The following PACSIN2 variants were observed in gnomAD, a reference collection of about 807,000 sequenced individuals.
The protein encoded by PACSIN2 is protein kinase C and casein kinase substrate in neurons 2.
In PACSIN2, 25 loss-of-function variants were observed where a neutral mutation model predicts 63.8. The observed-to-expected ratio is 0.39, with a 90% CI of 0.29 to 0.55. The LOEUF is 0.55. PACSIN2 is among the 20% of genes least tolerant of loss of function. PACSIN2 has a pLI of 0.62. For synonymous variants in PACSIN2, 255 were observed against 256.2 expected, an observed-to-expected ratio of 1.00 and a Z score of 0.05; for missense variants, 518 against 646.9, an observed-to-expected ratio of 0.80 and a Z score of 2.16.
At chr22:42,878,900 C>G (rs1928851097) in intron 8 of PACSIN2, 148 bp downstream of exon 8, 2 of 872,034 alleles carry the variant, frequency 2.3e-6, no homozygotes, top group Non-Finnish European at 3.3e-6. Flanking sequence ...AGGAACCTCC[C>G]AGGTGTCCAG....
At chr22:42,973,044 G>C (rs1921440213) in intron 1 of PACSIN2, among the ~76,000 whole-genome samples, 1 of 152,190 alleles carries the variant, frequency 6.6e-6, no homozygotes, top group Non-Finnish European at 1.5e-5. Context: ...CAATACGGAA[G>C]TAAGAACTTT....
intron 1 of PACSIN2, among the ~76,000 whole-genome samples, chr22:42,960,618 C>A (rs1934097100): frequency 6.6e-6 from 1 of 152,156 alleles, no homozygotes; most frequent in Non-Finnish European, 1.5e-5. Context: ...CTTGTGCCTA[C>A]AAGAATACAT....
At chr22:42,945,090 T>C (rs1374402966) in intron 1 of PACSIN2, among the ~76,000 whole-genome samples, 2 of 110,592 alleles carry the variant, frequency 1.8e-5, no homozygotes, top group East Asian at 6.2e-4. Context: ...AGGGCAAGAC[T>C]CGTCTCAAAA....
chr22:43,004,438 G>C (rs893520635), intron 1 of PACSIN2, among the ~76,000 whole-genome samples: 1 of 152,246 alleles, frequency 6.6e-6, no homozygotes, highest in South Asian at 2.1e-4. Context: ...AGCAAAGGTC[G>C]CAATTGCTTA....
At chr22:42,941,703 C>T (rs1285961552) in intron 1 of PACSIN2, among the ~76,000 whole-genome samples, 2 of 152,134 alleles carry the variant, frequency 1.3e-5, no homozygotes, top group Admixed American at 6.5e-5. Flanking sequence ...GAAGAAACGT[C>T]GGTTTAGATC....
At chr22:42,911,659 A>T (rs1342201178) in intron 2 of PACSIN2, among the ~76,000 whole-genome samples, 1 of 152,216 alleles carries the variant, frequency 6.6e-6, no homozygotes, top group Non-Finnish European at 1.5e-5. Context: ...ATAAAACTCA[A>T]CAGTAAAGTG....
At chr22:42,924,685 C>T (rs779238506) in intron 1 of PACSIN2, among the ~76,000 whole-genome samples, 7 of 152,116 alleles carry the variant, frequency 4.6e-5, no homozygotes, top group African/African-American at 7.2e-5. Flanking sequence ...TGAATGTGCT[C>T]GTCTCCTCCC....
intron 1 of PACSIN2, 64 bp downstream of exon 1, chr22:43,014,956 GC>G (rs1347661614): frequency 1.3e-5 from 2 of 149,748 alleles, no homozygotes; most frequent in African/African-American, 4.9e-5. Context: ...GCGGACCAGC[GC>G]CCCCGCGTCC....
intron 1 of PACSIN2, among the ~76,000 whole-genome samples, chr22:42,943,028 T>G (rs147612494): frequency 6.6e-6 from 1 of 152,238 alleles, no homozygotes; most frequent in Non-Finnish European, 1.5e-5. Flanking sequence ...TCCATGGATG[T>G]AGGATCTCTT....
intron 1 of PACSIN2, among the ~76,000 whole-genome samples, chr22:42,961,352 C>T (rs1471220070): frequency 1.3e-5 from 2 of 150,574 alleles, no homozygotes; most frequent in Non-Finnish European, 2.9e-5. Flanking sequence ...AACCAGAGAC[C>T]TTTGTTCACT....
At chr22:42,962,599 G>A (rs1920926017) in intron 1 of PACSIN2, among the ~76,000 whole-genome samples, 1 of 151,832 alleles carries the variant, frequency 6.6e-6, no homozygotes, top group Non-Finnish European at 1.5e-5. Context: ...CTGGGGTAGG[G>A]GGTGAGGGCC....
intron 1 of PACSIN2, among the ~76,000 whole-genome samples, chr22:42,927,745 G>A (rs1601533023): frequency 2.6e-5 from 4 of 151,576 alleles, no homozygotes; most frequent in Admixed American, 1.3e-4. Context: ...GCACCACCAC[G>A]TCTGGCTAAT....
At chr22:42,993,013 A>C (rs898476690) in intron 1 of PACSIN2, among the ~76,000 whole-genome samples, 2 of 152,120 alleles carry the variant, frequency 1.3e-5, no homozygotes, top group African/African-American at 4.8e-5. Context: ...AAAATACAAA[A>C]AAATTGGCCG....
At chr22:42,922,573 C>G (rs755815168) in intron 1 of PACSIN2, among the ~76,000 whole-genome samples, 1 of 152,224 alleles carries the variant, frequency 6.6e-6, no homozygotes, top group Non-Finnish European at 1.5e-5. Flanking sequence ...GCTCCACAGG[C>G]CTTGCACTGA....
chr22:42,880,378 A>T (rs1375692012), intron 7 of PACSIN2, among the ~76,000 whole-genome samples: 5 of 152,234 alleles, frequency 3.3e-5, no homozygotes, highest in East Asian at 1.9e-4. Context: ...GGAACCTCAG[A>T]GTTCTCCACA....
intron 1 of PACSIN2, among the ~76,000 whole-genome samples, chr22:42,957,865 C>G (rs1015131375): frequency 6.6e-6 from 1 of 152,092 alleles, no homozygotes; most frequent in African/African-American, 2.4e-5. Flanking sequence ...GCAATCCCAT[C>G]GTGAGGCCCG....
intron 6 of PACSIN2, 36 bp downstream of exon 6, chr22:42,884,350 C>T: frequency 6.3e-7 from 1 of 1,586,842 alleles, no homozygotes; most frequent in South Asian, 1.1e-5. Context: ...CCGTTGACTT[C>T]AATGACGTGT....
intron 7 of PACSIN2, among the ~76,000 whole-genome samples, chr22:42,881,304 C>T (rs577545800): frequency 1.3e-5 from 2 of 152,346 alleles, no homozygotes; most frequent in East Asian, 3.9e-4. Context: ...CAGCCCCCGA[C>T]AGGAGATGGG....
intron 1 of PACSIN2, among the ~76,000 whole-genome samples, chr22:42,931,561 A>G (rs1308228043): frequency 6.6e-6 from 1 of 152,214 alleles, no homozygotes; most frequent in Non-Finnish European, 1.5e-5. Context: ...AGAGGGCTCC[A>G]CAAAGCCGAT....
Sources: gnomAD v4.1 joint callset for allele counts (sites outside exome capture counted in the v4.1 genomes callset) on GRCh38, gnomAD v4.1.1 for gene constraint, MANE v1.5 for transcripts, NCBI Gene and HGNC (gene_info 2026-07-23, HGNC 2026-07-21) for gene names.